ABL1: variants seen among roughly 807,000 people sequenced by gnomAD.
The protein encoded by ABL1 is ABL proto-oncogene 1, non-receptor tyrosine kinase, also known as tyrosine-protein kinase ABL1.
Under a neutral mutation model 94.7 loss-of-function variants are expected in ABL1, and 11 were observed. That is an observed-to-expected ratio of 0.12 (90% CI 0.07 to 0.19). The LOEUF (loss-of-function observed/expected upper bound fraction) is 0.19, where lower values mean the gene tolerates loss of function less well. Ranked by LOEUF, ABL1 falls within the 10% of genes least tolerant of loss-of-function variation. The pLI is 1.00. For synonymous variants in ABL1, 656 were observed against 622.4 expected, an observed-to-expected ratio of 1.05 and a Z score of -0.80; for missense variants, 1,082 against 1,489.4, an observed-to-expected ratio of 0.73 and a Z score of 4.50.
chr9:130,873,993 T>C (rs534173717), intron 6 of ABL1, among the ~76,000 whole-genome samples: 1 of 152,356 alleles, frequency 6.6e-6, no homozygotes, highest in South Asian at 2.1e-4. Context: ...TTGAGATTGC[T>C]TGACTTCTGG....
chr9:130,730,046 C>CTTTTTTTTTTT (rs138446676), intron 1 of ABL1, among the ~76,000 whole-genome samples: 8 of 107,166 alleles, frequency 7.5e-5, no homozygotes, highest in Admixed American at 9.7e-5. Context: ...CCCAGCCAGA[C>CTTTTTTTTTTT]TTTTTTTTTT....
At chr9:130,749,249 T>C (rs1438529279) in intron 1 of ABL1, among the ~76,000 whole-genome samples, 3 of 152,202 alleles carry the variant, frequency 2.0e-5, no homozygotes, top group African/African-American at 7.2e-5. Flanking sequence ...TGGTGACCAG[T>C]ATTTGAGAAT....
chr9:130,796,766 T>A (rs1001257464), intron 1 of ABL1, among the ~76,000 whole-genome samples: 1 of 146,762 alleles, frequency 6.8e-6, no homozygotes, highest in Non-Finnish European at 1.5e-5. Flanking sequence ...TGCCTTTTGT[T>A]AAAAAAAAAA....
At chr9:130,759,209 G>C (rs145899137) in intron 1 of ABL1, among the ~76,000 whole-genome samples, 48 of 152,274 alleles carry the variant, frequency 3.2e-4, no homozygotes, top group African/African-American at 1.2e-3. Flanking sequence ...TCATAGAATG[G>C]TCAACATTGA....
At chr9:130,720,404 T>C (rs150176155) in intron 1 of ABL1, among the ~76,000 whole-genome samples, 151 of 152,250 alleles carry the variant, frequency 9.9e-4, no homozygotes, top group African/African-American at 3.5e-3. Context: ...TGTTGAAATA[T>C]GTGAAAGAAT....
rs746954089 is a variant in ABL1 at position 130,721,822 on chromosome 9, GT to G, written c.136+7384del. On this transcript the variant is annotated intron_variant, in intron 1 of 10. Transcript: ENST00000372348. ...AGTTAAATTTGTCAGGTTTTTTTTTGTTTTTTTTTTTTTTTTTGAGACAGAG... is the reference window on the plus strand; with the variant it reads ...AGTTAAATTTGTCAGGTTTTTTTTTGTTTTTTTTTTTTTTTTGAGACAGAG... 7.5e-3 allele frequency among the ~76,000 whole-genome samples: 904 copies of G among 120,806 alleles called. 2 individuals carry two copies. Among genetic ancestry groups the G allele is most frequent in the South Asian group, 0.01 (40 of 3,864 alleles). 79.3% of individuals were successfully genotyped at this position (120,806 alleles called of 152,430 possible).
In ABL1 at chr9:130,863,174, C is replaced by CT; in HGVS notation, c.822+141dup. Reference sequence around the variant, plus strand: ...GGCGCCACGGAATTGACTTTTCCGTCTTATATCATTCCTGTGTCTTTGTAG... The same window carrying CT: ...GGCGCCACGGAATTGACTTTTCCGTCTTTATATCATTCCTGTGTCTTTGTAG... On this transcript the variant is annotated intron_variant, in intron 4 of 10. Coordinates refer to ENST00000318560, the MANE Select transcript of ABL1 (RefSeq NM_005157.6). The surrounding 1 kb of genome is among the most constrained non-coding windows in gnomAD (Gnocchi z 4.3). 1.0e-6 allele frequency: 1 copy of CT among 972,640 alleles called. No individual in the cohort carries two copies. The allele number at this position is 972,640 out of a possible 1,614,324, so 60.3% of individuals were successfully genotyped here. A position where few individuals can be genotyped will look rare whatever the true frequency, so the allele number is the denominator to read the frequency against.
Position 130,872,903 on chromosome 9 carries a change from C to T in ABL1, c.951C>T (p.Phe317=), listed in dbSNP as rs121913451. The stretch of plus-strand genomic sequence containing the variant: ...CCCCGTTCTATATCATCACTGAGTT[C>T]ATGACCTACGGGAACCTCCTGGACT... ...REPPFYIITE[F]MTYGNLLDYL... Residue 317 remains phenylalanine, a synonymous_variant, in exon 6 of 11, where the codon TTC becomes TTT. Coordinates refer to ENST00000318560, the MANE Select transcript of ABL1 (RefSeq NM_005157.6). This position sits in a 1 kb window ranked among gnomAD's most constrained non-coding sequence, Gnocchi z 5.0. 6.2e-7 allele frequency: 1 copy of T among 1,614,142 alleles called. No individual in the cohort carries two copies. Among genetic ancestry groups the T allele is most frequent in the Non-Finnish European group, 8.5e-7 (1 of 1,180,006 alleles).
intron 1 of ABL1, among the ~76,000 whole-genome samples, chr9:130,763,912 T>A (rs542251267): frequency 6.6e-6 from 1 of 152,166 alleles, no homozygotes; most frequent in Non-Finnish European, 1.5e-5. Flanking sequence ...AAAATGAGCA[T>A]CATAATGGCA....
At chr9:130,715,757 A>G (rs1831429213) in intron 1 of ABL1, among the ~76,000 whole-genome samples, 1 of 152,228 alleles carries the variant, frequency 6.6e-6, no homozygotes, top group African/African-American at 2.4e-5. Flanking sequence ...CCAATGACCC[A>G]GTAATCCCAT....
chr9:130,724,568 AG>A (rs905592986), intron 1 of ABL1, among the ~76,000 whole-genome samples: 4 of 151,636 alleles, frequency 2.6e-5, no homozygotes, highest in African/African-American at 9.7e-5. Context: ...CCAGCACTTT[AG>A]GAGGCCAAGA....
At position 130,863,298 on chromosome 9, in the gene ABL1, G is replaced by A. The variant is rs1398116104; in HGVS notation, c.822+263G>A. The stretch of plus-strand genomic sequence containing the variant: ...TGTAAAAAGATTAGTCATTTGGAGA[G>A]GTTTTCTCATTTTATGGCAAGGTTC... On this transcript the variant is annotated intron_variant, in intron 4 of 10. Transcript: ENST00000318560. The surrounding 1 kb of genome is among the most constrained non-coding windows in gnomAD (Gnocchi z 4.3). Among the ~76,000 whole-genome samples the A allele has an allele frequency of 2.0e-5, 3 of 152,122 alleles. No homozygotes were observed. Among genetic ancestry groups the A allele is most frequent in the South Asian group, 4.1e-4 (2 of 4,830 alleles).
rs575829122 is a variant in ABL1 at position 130,785,602 on chromosome 9, G to C, written c.137-68462G>C. ...GTTCATTTGCTACTTCTGTACCCCTGGGTCCTCTTTTACTCTTCTGTCATT... is the reference window on the plus strand; with the variant it reads ...GTTCATTTGCTACTTCTGTACCCCTCGGTCCTCTTTTACTCTTCTGTCATT... On this transcript the variant is annotated intron_variant, in intron 1 of 10. Coordinates refer to the ABL1 transcript ENST00000372348. 2.6e-4 allele frequency among the ~76,000 whole-genome samples: 40 copies of C among 152,074 alleles called. No homozygotes were observed. The East Asian group carries it at 7.3e-3, about 28-fold the overall frequency.
At chr9:130,845,859 T>TAAA (rs11393708) in intron 1 of ABL1, among the ~76,000 whole-genome samples, 1 of 146,682 alleles carries the variant, frequency 6.8e-6, no homozygotes, top group South Asian at 2.2e-4. Flanking sequence ...AAACTCTATC[T>TAAA]AAAAAAAAAA....
chr9:130,736,743 G>A (rs910059189), intron 1 of ABL1, among the ~76,000 whole-genome samples: 3 of 152,256 alleles, frequency 2.0e-5, no homozygotes, highest in Admixed American at 6.5e-5. Flanking sequence ...TGCCCACCTC[G>A]GCCTCCCAAA....
intron 1 of ABL1, among the ~76,000 whole-genome samples, chr9:130,797,236 G>GGAAAA (rs1491324780): frequency 7.2e-5 from 4 of 55,214 alleles, no homozygotes; most frequent in African/African-American, 2.4e-4. Flanking sequence ...ACTCCATCTC[G>GGAAAA]AAAAAAAAAA....
intron 4 of ABL1, among the ~76,000 whole-genome samples, chr9:130,871,079 ACT>A (rs1831243760): frequency 6.6e-6 from 1 of 151,946 alleles, no homozygotes; most frequent in South Asian, 2.1e-4. Flanking sequence ...TAAGCCATTC[ACT>A]CTCTGTTCCC....
At chr9:130,828,414 T>A (rs1242465820) in intron 1 of ABL1, among the ~76,000 whole-genome samples, 2 of 152,220 alleles carry the variant, frequency 1.3e-5, no homozygotes, top group African/African-American at 2.4e-5. Context: ...AAATTTAAAA[T>A]CCAACAGAAG....
At chr9:130,736,863 G>C (rs1325405414) in intron 1 of ABL1, among the ~76,000 whole-genome samples, 3 of 152,166 alleles carry the variant, frequency 2.0e-5, no homozygotes, top group Admixed American at 1.3e-4. Context: ...CAGGTTCTTT[G>C]TGTGGCAGAT....
Sources: allele counts gnomAD v4.1 joint callset (sites outside exome capture counted in the v4.1 genomes callset), GRCh38; gene constraint gnomAD v4.1.1; non-coding constraint Gnocchi (gnomAD v3.1); transcripts MANE v1.5; gene names NCBI Gene and HGNC (gene_info 2026-07-23, HGNC 2026-07-21).